The following PARVA variants were observed in gnomAD, a reference collection of about 807,000 sequenced individuals.
The protein encoded by PARVA is alpha-parvin.
PARVA carries 25 observed loss-of-function variants against 52.6 expected under a neutral mutation model. That is an observed-to-expected ratio of 0.48 (90% CI 0.35 to 0.66). PARVA has a LOEUF of 0.66. Ranked by LOEUF, PARVA falls within the 30% of genes least tolerant of loss-of-function variation. PARVA has a pLI of 0.01. For missense variants in PARVA, 373 were observed against 450.9 expected (o/e 0.83, Z 1.56); for synonymous variants, 185 against 179.1 (o/e 1.03, Z -0.26).
At chr11:12,474,765 T>G (rs11022365) in intron 3 of PARVA, among the ~76,000 whole-genome samples, 30,732 of 151,088 alleles carry the variant, frequency 0.2, 3,870 homozygotes, top group East Asian at 0.37. Context: ...AGTAGCCAAG[T>G]GTGGTGGCGC....
At chr11:12,508,431 C>T (rs533329609) in intron 6 of PARVA, among the ~76,000 whole-genome samples, 153 bp from the exon 7 acceptor site, 4 of 152,282 alleles carry the variant, frequency 2.6e-5, no homozygotes, top group African/African-American at 9.6e-5. Context: ...AAAATCAGGA[C>T]CTCCTTTCAC....
At chr11:12,461,036 C>T (rs768109763) in intron 1 of PARVA, among the ~76,000 whole-genome samples, 7 of 152,280 alleles carry the variant, frequency 4.6e-5, no homozygotes, top group African/African-American at 1.2e-4. Flanking sequence ...CCCCCTCTCA[C>T]ATTAAAACAT....
chr11:12,407,147 A>C (rs1939924270), intron 1 of PARVA, among the ~76,000 whole-genome samples: 1 of 152,172 alleles, frequency 6.6e-6, no homozygotes, highest in African/African-American at 2.4e-5. Flanking sequence ...GTTGCTTCTC[A>C]AAGTGTGATC....
intron 1 of PARVA, among the ~76,000 whole-genome samples, chr11:12,378,047 CA>C: frequency 6.7e-6 from 1 of 150,126 alleles, no homozygotes; most frequent in African/African-American, 2.4e-5. Context: ...GGGACCAGGC[CA>C]ACGCCCCCGC....
chr11:12,442,711 C>G (rs369516268), intron 1 of PARVA, among the ~76,000 whole-genome samples: 1 of 151,714 alleles, frequency 6.6e-6, no homozygotes, highest in African/African-American at 2.4e-5. Flanking sequence ...CCATGAGAAC[C>G]GAGGGGAAAA....
In PARVA at chr11:12,446,850, G is replaced by A. The variant is rs536355152; in HGVS notation, c.137-26895G>A. ...ATTGTTGGTTTCGTACATTCTCAAT[G>A]TAGCCAGGTTTTCCATAAAAATAGA... On this transcript the variant is annotated intron_variant, in intron 1 of 12. Coordinates refer to ENST00000334956, the MANE Select transcript of PARVA (RefSeq NM_018222.5). 6.6e-4 allele frequency among the ~76,000 whole-genome samples: 100 copies of A among 152,314 alleles called. 1 individual carries two copies. Among genetic ancestry groups the A allele is most frequent in the Middle Eastern group, 3.4e-3 (1 of 294 alleles).
chr11:12,446,702 T>C (rs1217836748), intron 1 of PARVA, among the ~76,000 whole-genome samples: 1 of 152,220 alleles, frequency 6.6e-6, no homozygotes, highest in East Asian at 1.9e-4. Flanking sequence ...ATAGCAGTAA[T>C]GATTGTCATC....
intron 12 of PARVA, among the ~76,000 whole-genome samples, chr11:12,523,841 C>A (rs539361397): frequency 3.9e-5 from 6 of 152,170 alleles, no homozygotes; most frequent in Non-Finnish European, 8.8e-5. Context: ...TTTATGAGAA[C>A]AGGGCTTTGA....
intron 1 of PARVA, among the ~76,000 whole-genome samples, chr11:12,436,179 A>T (rs1940385147): frequency 6.6e-6 from 1 of 152,184 alleles, no homozygotes; most frequent in Non-Finnish European, 1.5e-5. Context: ...ATTAGGGATA[A>T]TGTGCATATT....
At position 12,534,149 on chromosome 11, in the gene PARVA, CAG is replaced by C. The variant is rs1324604692; in HGVS notation, c.*6227_*6228del. Among the ~76,000 whole-genome samples, 1 of 152,152 alleles carries C rather than the reference CAG, an allele frequency of 6.6e-6. No homozygotes were observed. The highest frequency in any genetic ancestry group is 1.5e-5 in the Non-Finnish European group (1 of 68,034). On this transcript the variant is annotated 3_prime_UTR_variant, in exon 13 of 13. Coordinates refer to ENST00000334956, the MANE Select transcript of PARVA (RefSeq NM_018222.5). ...CATCACTGCACTCAAGCCTGGGCAA[CAG>C]AGCAAGACTGCGTCTCAAAAAAACA... is the stretch of plus-strand genomic sequence containing the variant.
At chr11:12,391,225 T>G (rs1939653758) in intron 1 of PARVA, among the ~76,000 whole-genome samples, 1 of 152,204 alleles carries the variant, frequency 6.6e-6, no homozygotes, top group South Asian at 2.1e-4. Context: ...TTAGCACAAT[T>G]GGGACCTGAC....
At chr11:12,427,134 A>G (rs1940248411) in intron 1 of PARVA, among the ~76,000 whole-genome samples, 1 of 152,104 alleles carries the variant, frequency 6.6e-6, no homozygotes, top group Non-Finnish European at 1.5e-5. Flanking sequence ...TTAAATTTTA[A>G]TTAATATAGT....
At chr11:12,490,628 G>A (rs1190149696) in intron 4 of PARVA, among the ~76,000 whole-genome samples, 1 of 151,758 alleles carries the variant, frequency 6.6e-6, no homozygotes, top group Non-Finnish European at 1.5e-5. Context: ...ATGTAAAATA[G>A]GAAGGAAAAT....
intron 12 of PARVA, among the ~76,000 whole-genome samples, chr11:12,525,105 C>G (rs1022738267): frequency 6.6e-6 from 1 of 152,146 alleles, no homozygotes; most frequent in Non-Finnish European, 1.5e-5. Flanking sequence ...GCCACAGTGA[C>G]TGTGATACAT....
chr11:12,493,612 TAA>T (rs11390518), intron 4 of PARVA, among the ~76,000 whole-genome samples: 2 of 145,892 alleles, frequency 1.4e-5, no homozygotes, highest in African/African-American at 2.5e-5. Context: ...TACCAGACGC[TAA>T]AAAAAAAAAG....
At chr11:12,422,580 A>C (rs911512087) in intron 1 of PARVA, among the ~76,000 whole-genome samples, 1 of 109,842 alleles carries the variant, frequency 9.1e-6, no homozygotes, top group Non-Finnish European at 1.9e-5. Context: ...GAGACTGAAC[A>C]CCTTCCCTGT....
chr11:12,376,666 A>G, upstream of PARVA: 3 of 910,314 alleles, frequency 3.3e-6, no homozygotes, highest in Non-Finnish European at 3.9e-6. Flanking sequence ...CACAGTTGCC[A>G]AGGTGCTGTG....
chr11:12,516,093 C>T (rs1001977535), intron 10 of PARVA, among the ~76,000 whole-genome samples: 1 of 152,234 alleles, frequency 6.6e-6, no homozygotes, highest in Non-Finnish European at 1.5e-5. Flanking sequence ...CCTGCCTCAG[C>T]CTCCCAAAGT....
chr11:12,482,392 C>T (rs1412059461), intron 4 of PARVA, among the ~76,000 whole-genome samples: 2 of 151,458 alleles, frequency 1.3e-5, no homozygotes, highest in East Asian at 2.0e-4. Context: ...TTTGGGAGGC[C>T]GAGGCAGGTG....
Sources: gnomAD v4.1 joint callset for allele counts (sites outside exome capture counted in the v4.1 genomes callset) on GRCh38, gnomAD v4.1.1 for gene constraint, MANE v1.5 for transcripts, NCBI Gene and HGNC (gene_info 2026-07-23, HGNC 2026-07-21) for gene names.